ACSS3: variants seen among roughly 807,000 people sequenced by gnomAD.
ACSS3 encodes acyl-CoA synthetase short chain family member 3.
ACSS3 carries 64 observed loss-of-function variants against 84.2 expected under a neutral mutation model. The observed-to-expected ratio is 0.76, with a 90% CI of 0.62 to 0.94. ACSS3 has a LOEUF of 0.94. Ranked by LOEUF, ACSS3 falls within the 40% of genes least tolerant of loss-of-function variation. ACSS3 has a pLI of 0.00. For synonymous variants in ACSS3, 317 were observed against 310.1 expected, an observed-to-expected ratio of 1.02 and a Z score of -0.23; for missense variants, 815 against 867.6, an observed-to-expected ratio of 0.94 and a Z score of 0.76.
intron 8 of ACSS3, among the ~76,000 whole-genome samples, chr12:81,196,125 A>T (rs2031817434): frequency 6.6e-6 from 1 of 152,206 alleles, no homozygotes; most frequent in Admixed American, 6.5e-5. Context: ...CCATGTCAGA[A>T]TAAATTATTA....
intron 13 of ACSS3, among the ~76,000 whole-genome samples, chr12:81,245,446 A>G (rs530884176): frequency 6.6e-6 from 1 of 152,334 alleles, no homozygotes; most frequent in Admixed American, 6.5e-5. Context: ...TGGGTGACAG[A>G]GTGAGACTCT....
At chr12:81,222,430 A>G (rs1191094230) in intron 11 of ACSS3, among the ~76,000 whole-genome samples, 1 of 152,100 alleles carries the variant, frequency 6.6e-6, no homozygotes, top group Non-Finnish European at 1.5e-5. Context: ...CCTTTTATCT[A>G]TAAGAGCAAG....
chr12:81,219,977 G>A (rs1186368285), intron 10 of ACSS3, 36 bp from the exon 11 acceptor site: 10 of 1,331,376 alleles, frequency 7.5e-6, no homozygotes, highest in Non-Finnish European at 1.0e-5. Context: ...TTAAGATTAT[G>A]AATTTTTATT....
intron 13 of ACSS3, among the ~76,000 whole-genome samples, chr12:81,241,554 T>A (rs1272611357): frequency 6.6e-6 from 1 of 152,232 alleles, no homozygotes; most frequent in Non-Finnish European, 1.5e-5. Flanking sequence ...GATATCTCAT[T>A]GTGGTTTTGA....
chr12:81,157,194 G>A (rs149802885), intron 7 of ACSS3, among the ~76,000 whole-genome samples: 36 of 152,262 alleles, frequency 2.4e-4, no homozygotes, highest in African/African-American at 7.9e-4. Context: ...GTACAAGGCT[G>A]CTTCAATATC....
At chr12:81,133,375 C>T (rs143019981) in intron 2 of ACSS3, among the ~76,000 whole-genome samples, 183 of 152,236 alleles carry the variant, frequency 1.2e-3, no homozygotes, top group African/African-American at 4.2e-3. Flanking sequence ...CTTCCAATTG[C>T]CCACCATGCC....
intron 8 of ACSS3, among the ~76,000 whole-genome samples, chr12:81,181,746 G>T (rs375235138): frequency 1.4e-4 from 1 of 7,210 alleles, no homozygotes; most frequent in Non-Finnish European, 3.0e-4. Context: ...AATCAATTAA[G>T]CAAAAAAAAA....
At chr12:81,080,274 A>G (rs561605401) in intron 1 of ACSS3, among the ~76,000 whole-genome samples, 5 of 152,066 alleles carry the variant, frequency 3.3e-5, no homozygotes, top group African/African-American at 4.8e-5. Flanking sequence ...GTGAGTGTCA[A>G]TGTCCCAGCA....
At chr12:81,216,415 A>T (rs1160456246) in intron 9 of ACSS3, among the ~76,000 whole-genome samples, 2 of 152,152 alleles carry the variant, frequency 1.3e-5, no homozygotes, top group African/African-American at 4.8e-5. Context: ...ACATCAATGT[A>T]ATAATTTCAA....
chr12:81,248,231 T>C (rs1432999562), intron 13 of ACSS3, among the ~76,000 whole-genome samples: 1 of 152,070 alleles, frequency 6.6e-6, no homozygotes, highest in Admixed American at 6.6e-5. Context: ...AATAAATTAG[T>C]ATGTCAAAGG....
At chr12:81,252,134 C>G (rs2034172912) in intron 13 of ACSS3, among the ~76,000 whole-genome samples, 1 of 151,986 alleles carries the variant, frequency 6.6e-6, no homozygotes, top group Non-Finnish European at 1.5e-5. Context: ...TAAATATCTA[C>G]TCATCCTTCA....
At chr12:81,106,555 A>G (rs867143522) in intron 1 of ACSS3, among the ~76,000 whole-genome samples, 1 of 152,148 alleles carries the variant, frequency 6.6e-6, no homozygotes, top group Admixed American at 6.6e-5. Context: ...CGGTGAAAAC[A>G]TTGTCTTTCA....
At chr12:81,234,570 T>G (rs2033570886) in intron 13 of ACSS3, among the ~76,000 whole-genome samples, 1 of 151,398 alleles carries the variant, frequency 6.6e-6, no homozygotes, top group South Asian at 2.1e-4. Flanking sequence ...GGTCGTGTCA[T>G]TACTCTTTAT....
chr12:81,179,430 G>A (rs181154084), intron 8 of ACSS3, among the ~76,000 whole-genome samples: 9 of 151,952 alleles, frequency 5.9e-5, no homozygotes, highest in South Asian at 4.2e-4. Flanking sequence ...CCAACTACGC[G>A]TCAGAGAAAG....
At chr12:81,084,078 G>T (rs1881166285) in intron 1 of ACSS3, among the ~76,000 whole-genome samples, 1 of 152,144 alleles carries the variant, frequency 6.6e-6, no homozygotes, top group Non-Finnish European at 1.5e-5. Context: ...TGGTGCATGT[G>T]CTTGTTTGTT....
intron 8 of ACSS3, among the ~76,000 whole-genome samples, chr12:81,198,303 T>C (rs1593186557): frequency 1.3e-5 from 2 of 152,110 alleles, no homozygotes; most frequent in African/African-American, 2.4e-5. Context: ...GTGTGGGAAA[T>C]AGACAAAAAC....
chr12:81,205,246 A>G (rs1166792600), intron 9 of ACSS3, among the ~76,000 whole-genome samples: 1 of 152,118 alleles, frequency 6.6e-6, no homozygotes, highest in Non-Finnish European at 1.5e-5. Flanking sequence ...AAGGGTACAC[A>G]TACCCTTATA....
chr12:81,211,932 T>C (rs2032608293), intron 9 of ACSS3, among the ~76,000 whole-genome samples: 1 of 152,192 alleles, frequency 6.6e-6, no homozygotes, highest in South Asian at 2.1e-4. Context: ...TGCCTCACTG[T>C]TCTCAAACAC....
chr12:81,184,179 C>A (rs1308257236), intron 8 of ACSS3, among the ~76,000 whole-genome samples: 1 of 151,890 alleles, frequency 6.6e-6, no homozygotes, highest in Non-Finnish European at 1.5e-5. Context: ...AAACAACATG[C>A]TCTTGAACAA....
Sources: gnomAD v4.1 joint callset for allele counts (sites outside exome capture counted in the v4.1 genomes callset) on GRCh38, gnomAD v4.1.1 for gene constraint, MANE v1.5 for transcripts, NCBI Gene and HGNC (gene_info 2026-07-23, HGNC 2026-07-21) for gene names.